Variants in PDCD6IP observed in about 807,000 individuals in gnomAD.
PDCD6IP encodes programmed cell death 6 interacting protein.
A neutral mutation model predicts 103.7 loss-of-function variants in PDCD6IP; 43 were observed. The observed-to-expected ratio is 0.41, with a 90% CI of 0.32 to 0.53. The LOEUF (loss-of-function observed/expected upper bound fraction) is 0.53, where lower values mean the gene tolerates loss of function less well. PDCD6IP is among the 20% of genes least tolerant of loss of function. The pLI is 0.16. For synonymous variants in PDCD6IP, 354 were observed against 378.7 expected, an observed-to-expected ratio of 0.93 and a Z score of 0.76; for missense variants, 871 against 1,036.7, an observed-to-expected ratio of 0.84 and a Z score of 2.20.
At chr3:33,838,709 C>G (rs1361424473) in intron 9 of PDCD6IP, among the ~76,000 whole-genome samples, 3 of 151,706 alleles carry the variant, frequency 2.0e-5, no homozygotes, top group African/African-American at 7.3e-5. Flanking sequence ...TTTACACACA[C>G]AAAATACACC....
At chr3:33,818,097 G>GTTTTTTTTTTTTT (rs756780125) in intron 3 of PDCD6IP, among the ~76,000 whole-genome samples, 1 of 68,084 alleles carries the variant, frequency 1.5e-5, no homozygotes. Context: ...TTTCATTCTT[G>GTTTTTTTTTTTTT]TTTTTTTTTT....
chr3:33,843,703 A>G (rs1350236461), intron 10 of PDCD6IP, among the ~76,000 whole-genome samples: 1 of 152,200 alleles, frequency 6.6e-6, no homozygotes, highest in Non-Finnish European at 1.5e-5. Context: ...GCATTTAAAA[A>G]TATATTAAAC....
rs1431434765 is a variant in PDCD6IP at position 33,867,096 on chromosome 3, C to G, written c.*571C>G. 1 of 152,018 alleles carries G rather than the reference C, an allele frequency of 6.6e-6. No individual in the cohort carries two copies. Among genetic ancestry groups the G allele is most frequent in the Non-Finnish European group, 1.5e-5 (1 of 67,988 alleles). 9.4% of individuals were successfully genotyped at this position (152,018 alleles called of 1,614,324 possible). A position where few individuals can be genotyped will look rare whatever the true frequency, so the allele number is the denominator to read the frequency against. On this transcript the variant is annotated 3_prime_UTR_variant, in exon 18 of 18. Transcript: ENST00000307296. Reference sequence around the variant, plus strand: ...TCATTTTGTATGTATATAAGTTAAACAGATACTGTTTTTAAGTGCATGAAT... The same window carrying G: ...TCATTTTGTATGTATATAAGTTAAAGAGATACTGTTTTTAAGTGCATGAAT...
At chr3:33,831,719 GTT>G (rs755529129) in intron 7 of PDCD6IP, among the ~76,000 whole-genome samples, 68 of 150,660 alleles carry the variant, frequency 4.5e-4, no homozygotes, top group Admixed American at 6.6e-4. Flanking sequence ...TTAATTTCTT[GTT>G]TTTTTTCTTT....
At chr3:33,857,874 T>C (rs1189731223) in intron 15 of PDCD6IP, among the ~76,000 whole-genome samples, 3 of 152,320 alleles carry the variant, frequency 2.0e-5, no homozygotes, top group South Asian at 2.1e-4. Context: ...CAGTTCCCTC[T>C]GAAGTCAAGA....
chr3:33,810,942 C>T (rs1696703213), intron 1 of PDCD6IP: 2 of 163,764 alleles, frequency 1.2e-5, no homozygotes, highest in South Asian at 1.1e-4. Context: ...GGCTGGAGTA[C>T]AGTGGCGCTG....
At chr3:33,832,309 A>C (rs1179349456) in intron 7 of PDCD6IP, among the ~76,000 whole-genome samples, 1 of 152,140 alleles carries the variant, frequency 6.6e-6, no homozygotes, top group Non-Finnish European at 1.5e-5. Flanking sequence ...TCATGACCTC[A>C]TCTAAACCCC....
chr3:33,860,701 A>G (rs1559798844), intron 15 of PDCD6IP, among the ~76,000 whole-genome samples: 2 of 152,330 alleles, frequency 1.3e-5, no homozygotes, highest in African/African-American at 4.8e-5. Context: ...ATTCATCAGT[A>G]TAGTTGTGTG....
At chr3:33,858,664 G>C (rs895304847) in intron 15 of PDCD6IP, among the ~76,000 whole-genome samples, 11 of 152,118 alleles carry the variant, frequency 7.2e-5, no homozygotes, top group African/African-American at 2.6e-4. Flanking sequence ...CAAAAAACTA[G>C]CTGGGCGTGG....
chr3:33,823,530 T>C (rs923802447), intron 4 of PDCD6IP, among the ~76,000 whole-genome samples: 1 of 152,226 alleles, frequency 6.6e-6, no homozygotes, highest in Non-Finnish European at 1.5e-5. Context: ...ACGCCTGTAA[T>C]CCCAGCACTG....
chr3:33,803,597 T>TA (rs1320080518), intron 1 of PDCD6IP, among the ~76,000 whole-genome samples: 5 of 152,208 alleles, frequency 3.3e-5, no homozygotes, highest in African/African-American at 7.2e-5. Context: ...GTGTTTATTC[T>TA]ATCTTTTGTC....
Position 33,869,484 on chromosome 3 carries a change from A to G in PDCD6IP, c.*2959A>G, listed in dbSNP as rs3436. 1.1e-4 allele frequency: 16 copies of G among 152,214 alleles called. No homozygotes were observed. Among genetic ancestry groups the G allele is most frequent in the Non-Finnish European group, 4.4e-5 (3 of 68,020 alleles). 9.4% of individuals were successfully genotyped at this position (152,214 alleles called of 1,614,324 possible). ...AAAGAAGGAAAAATTATATTTTTAAAGAAAGAGAATATTCAGGCTTTATTT... is the reference window on the plus strand; with the variant it reads ...AAAGAAGGAAAAATTATATTTTTAAGGAAAGAGAATATTCAGGCTTTATTT... On this transcript the variant is annotated 3_prime_UTR_variant, in exon 18 of 18. Coordinates refer to ENST00000307296, the MANE Select transcript of PDCD6IP (RefSeq NM_013374.6).
At chr3:33,863,782 G>A (rs1009755338) in intron 15 of PDCD6IP, 13 of 515,784 alleles carry the variant, frequency 2.5e-5, no homozygotes, top group African/African-American at 2.5e-4. Flanking sequence ...ACCCAGCAGT[G>A]GGATTGTTGG....
At chr3:33,828,817 G>GTGGT in intron 6 of PDCD6IP, 36 bp from the exon 7 acceptor site, 1 of 1,609,568 alleles carries the variant, frequency 6.2e-7, no homozygotes, top group Non-Finnish European at 8.5e-7. Flanking sequence ...GGTTTGTGTG[G>GTGGT]TTGGACTCTC....
At position 33,798,914 on chromosome 3, in the gene PDCD6IP, G is replaced by T; in HGVS notation, c.186G>T (p.Glu62Asp). The T allele has an allele frequency of 1.3e-6, 2 of 1,541,250 alleles. No homozygotes were observed. Among genetic ancestry groups the T allele is most frequent in the Non-Finnish European group, 1.8e-6 (2 of 1,140,228 alleles). The part of the protein sequence containing the change: ...AAVGRPLDKH[E>D]GALETLLRYY... ...TCGGTCGTCCGCTGGACAAGCACGA[G>T]GGCGCGCTCGAGACGCTCCTGAGGT... The change falls in exon 1 of 18, where the codon GAG (glutamate) becomes GAT (aspartate). Residue 62 changes from glutamate to aspartate, a missense_variant. Physicochemically the swap from Glu to Asp is conservative, Grantham distance 45. Transcript: ENST00000307296.
Position 33,866,342 on chromosome 3 carries a change from T to C in PDCD6IP, c.2433-9T>C, listed in dbSNP as rs1559801787. On this transcript the variant is annotated splice_polypyrimidine_tract_variant and intron_variant, in intron 17 of 17. Coordinates refer to ENST00000307296, the MANE Select transcript of PDCD6IP (RefSeq NM_013374.6). ...TACCAATCAAGATTTTTCTGTTTTC[T>C]TCTATCAGGTATTGCCAAATGCCCA... The C allele has an allele frequency of 8.1e-7, 1 of 1,237,910 alleles. No homozygotes were observed. Among genetic ancestry groups the C allele is most frequent in the Non-Finnish European group, 1.1e-6 (1 of 933,236 alleles). The allele number at this position is 1,237,910 out of a possible 1,614,324, so 76.7% of individuals were successfully genotyped here.
chr3:33,818,357 C>G (rs1045708521), intron 3 of PDCD6IP, among the ~76,000 whole-genome samples: 1 of 151,614 alleles, frequency 6.6e-6, no homozygotes, highest in African/African-American at 2.4e-5. Flanking sequence ...CTCCGCCCAC[C>G]TTGCCTTCCC....
At chr3:33,847,510 G>GGTT (rs78689953) in intron 12 of PDCD6IP, among the ~76,000 whole-genome samples, 44,386 of 151,916 alleles carry the variant, frequency 0.29, 6,684 homozygotes, top group East Asian at 0.41. Flanking sequence ...ATTTCAGACT[G>GGTT]GTTATAATAG....
intron 15 of PDCD6IP, among the ~76,000 whole-genome samples, chr3:33,856,024 C>A (rs1346226832): frequency 6.6e-6 from 1 of 152,130 alleles, no homozygotes; most frequent in African/African-American, 2.4e-5. Flanking sequence ...TGCCTGAGCC[C>A]CACCTCCTGT....
Sources: gnomAD v4.1 joint callset for allele counts (sites outside exome capture counted in the v4.1 genomes callset) on GRCh38, gnomAD v4.1.1 for gene constraint, MANE v1.5 for transcripts, NCBI Gene and HGNC (gene_info 2026-07-23, HGNC 2026-07-21) for gene names.